The following CEP131 variants were observed in gnomAD, a reference collection of about 807,000 sequenced individuals.
CEP131 encodes centrosomal protein 131.
A neutral mutation model predicts 136.8 loss-of-function variants in CEP131; 99 were observed. The ratio of observed to expected loss-of-function variants is 0.72; its 90% CI spans 0.62 to 0.86. The LOEUF (loss-of-function observed/expected upper bound fraction) is 0.86. Among genes scored for constraint, CEP131 ranks in the 40% least tolerant of loss-of-function variants. The probability of loss-of-function intolerance (pLI) is 0.00; values close to 1 mark genes in which losing one functional copy is unlikely to be tolerated. For synonymous variants in CEP131, 646 were observed against 612.7 expected, an observed-to-expected ratio of 1.05 and a Z score of -0.80; for missense variants, 1,459 against 1,463.0, an observed-to-expected ratio of 1.00 and a Z score of 0.04.
chr17:81,199,411 C>T lies in CEP131; in HGVS notation c.1162G>A (p.Ala388Thr). Reference protein sequence around the residue: ...QELSPTPGGTAHQALKANNTG... With the variant: ...QELSPTPGGTTHQALKANNTG... ...TTGTTGGCCTTGAGGGCCTGGTGGGCAGTGCCGCCTGGTGTGGGGGACAGC... is the reference window on the plus strand; with the variant it reads ...TTGTTGGCCTTGAGGGCCTGGTGGGTAGTGCCGCCTGGTGTGGGGGACAGC... Residue 388 changes from alanine (A) to threonine (T), a missense_variant, in exon 10 of 26, where the codon GCC (alanine) becomes ACC (threonine). Physicochemically the swap from Ala to Thr is moderately conservative, Grantham distance 58 (BLOSUM62 0). Around this residue, in one of 3 missense-constraint regions of CEP131, gnomAD observed 1,026 missense variants for 964.2 expected, o/e 1.06. Transcript: ENST00000450824. The T allele has an allele frequency of 6.2e-7, 1 of 1,605,732 alleles. No individual in the cohort carries two copies. Among genetic ancestry groups the T allele is most frequent in the Non-Finnish European group, 8.5e-7 (1 of 1,177,404 alleles).
Position 81,208,589 on chromosome 17 carries a change from G to A in CEP131, c.272+339C>T, listed in dbSNP as rs2062065814. ...GGGGGTTCAGAAGGGTCACAGTGCT[G>A]CCCCTCTCGCAAATGACAGCTTTTG... On this transcript the variant is annotated intron_variant, in intron 3 of 25. Coordinates refer to ENST00000450824, the MANE Select transcript of CEP131 (RefSeq NM_014984.4). This position sits in a 1 kb window ranked among gnomAD's most constrained non-coding sequence, Gnocchi z 5.6. Among the ~76,000 whole-genome samples the A allele has an allele frequency of 6.6e-6, 1 of 152,226 alleles. No individual in the cohort carries two copies. Among genetic ancestry groups the A allele is most frequent in the Non-Finnish European group, 1.5e-5 (1 of 68,044 alleles).
rs544816653 is a variant in CEP131, at chr17:81,205,078, G to A, written c.516-1471C>T. On this transcript the variant is annotated intron_variant, in intron 5 of 25. Transcript: ENST00000450824. The stretch of plus-strand genomic sequence containing the variant: ...GTTCGAGACCAGTCTGGCCAACATA[G>A]CGAAACCCCGTCTCTACTAAAAATA... Among the ~76,000 whole-genome samples, 4 of 152,054 alleles carry A rather than the reference G, an allele frequency of 2.6e-5. No individual in the cohort carries two copies. The South Asian group carries it at 8.3e-4, about 32-fold the overall frequency.
In CEP131 at chr17:81,197,069, C is replaced by A; in HGVS notation, c.1648-14G>T. Reference sequence around the variant, plus strand: ...CGGCACCCACCCCTGCAGACACAGCCGAGCGTCAGGCGGAAGCGGCAGAGG... The same window carrying A: ...CGGCACCCACCCCTGCAGACACAGCAGAGCGTCAGGCGGAAGCGGCAGAGG... On this transcript the variant is annotated splice_polypyrimidine_tract_variant and intron_variant, in intron 13 of 25. Coordinates refer to ENST00000450824, the MANE Select transcript of CEP131 (RefSeq NM_014984.4). The A allele has an allele frequency of 6.3e-7, 1 of 1,579,886 alleles. No individual in the cohort carries two copies.
At chr17:81,207,324 G>C (rs189419280) in intron 3 of CEP131, 85 bp from the exon 4 acceptor site, 66 of 1,180,744 alleles carry the variant, frequency 5.6e-5, no homozygotes, top group Non-Finnish European at 7.4e-5. Context: ...CAGGTCCCGC[G>C]AGGACAGAGG....
At chr17:81,198,343 G>C (rs2061814805) in intron 11 of CEP131, 46 bp from the exon 12 acceptor site, 1 of 1,522,140 alleles carries the variant, frequency 6.6e-7, no homozygotes, top group Admixed American at 2.0e-5. Context: ...GCTGGTAGCT[G>C]AGAGCAGCCC....
intron 16 of CEP131, 105 bp downstream of exon 16, chr17:81,195,730 C>A: frequency 1.0e-6 from 1 of 1,000,440 alleles, no homozygotes; most frequent in Non-Finnish European, 1.5e-6. Flanking sequence ...CACACCGAGA[C>A]AGGAATGAGG....
At chr17:81,206,919 C>T (rs775230012) in intron 4 of CEP131, 48 bp from the exon 5 acceptor site, 11 of 1,583,274 alleles carry the variant, frequency 6.9e-6, no homozygotes, top group Non-Finnish European at 9.4e-6. Context: ...ACCCAGACAC[C>T]CCATCCCTTC....
rs772624069 is a variant in CEP131, at chr17:81,196,664, G to A, written c.1899+37C>T. 10 of 1,584,608 alleles carry A rather than the reference G, an allele frequency of 6.3e-6. No individual in the cohort carries two copies. In the Admixed American group the frequency reaches 7.0e-5, roughly 11 times the overall value. On this transcript the variant is annotated intron_variant, in intron 15 of 25. Transcript: ENST00000450824. ...CTCTGGAAGTCTCCATGAGCCACGC[G>A]CTGGGTCCGGGCCTCTGCGCTCCCC...
intron 8 of CEP131, 33 bp downstream of exon 8, chr17:81,200,296 G>T: frequency 6.5e-7 from 1 of 1,540,362 alleles, no homozygotes; most frequent in East Asian, 2.3e-5. Flanking sequence ...ACCCCCCGGG[G>T]GAGCATGGAG....
intron 18 of CEP131, among the ~76,000 whole-genome samples, chr17:81,193,693 T>C (rs1025560543): frequency 6.6e-6 from 1 of 152,114 alleles, no homozygotes; most frequent in African/African-American, 2.4e-5. Context: ...CGTGCACCCA[T>C]GCAGAACCTG....
chr17:81,193,949 C>T lies in CEP131; in HGVS notation c.2298G>A (p.Gln766=), dbSNP rs1052809187. ...LEREKEALGQ[Q]ERERARQRFQ... is the part of the protein sequence containing the mutation. ...ACCGCTGCCGAGCACGTTCGCGCTC[C>T]TGCTGGCCCAGCGCCTCCTTCTCCC... is the stretch of plus-strand genomic sequence containing the variant. Residue 766 remains glutamine, a synonymous_variant, in exon 18 of 26, where the codon CAG becomes CAA. Coordinates refer to ENST00000450824, the MANE Select transcript of CEP131 (RefSeq NM_014984.4). The T allele has an allele frequency of 6.5e-7, 1 of 1,541,778 alleles. No homozygotes were observed. Among genetic ancestry groups the T allele is most frequent in the Admixed American group, 2.0e-5 (1 of 50,160 alleles).
At chr17:81,190,524 T>C (rs1015737373) in intron 24 of CEP131, 115 bp downstream of exon 24, 3 of 1,313,630 alleles carry the variant, frequency 2.3e-6, no homozygotes, top group East Asian at 5.2e-5. Context: ...CAGGGCCCTG[T>C]CTCTGCATCT....
rs1235209404 is a variant in CEP131 at position 81,219,286 on chromosome 17, C to T, written c.177+594G>A. Among the ~76,000 whole-genome samples the T allele has an allele frequency of 7.4e-6, 1 of 135,234 alleles. No homozygotes were observed. The highest frequency in any genetic ancestry group is 2.7e-5 in the African/African-American group (1 of 36,728). 88.7% of individuals were successfully genotyped at this position (135,234 alleles called of 152,430 possible). On this transcript the variant is annotated intron_variant, in intron 2 of 25. Coordinates refer to ENST00000450824, the MANE Select transcript of CEP131 (RefSeq NM_014984.4). The surrounding 1 kb of genome is among the most constrained non-coding windows in gnomAD (Gnocchi z 4.0). ...CATCACCCCTCCCCACAGGTCAACC[C>T]CATTTCTTTCTTTTTTTTTTTTTTT... is the stretch of plus-strand genomic sequence containing the variant.
Position 81,206,816 on chromosome 17 carries a change from AG to A in CEP131, c.442del (p.Asp149ThrfsTer108). On this transcript the variant is annotated frameshift_variant, in exon 5 of 26. Transcript: ENST00000450824. LOFTEE classifies it high-confidence loss of function. ...CCTCCGCGGGCCCGCTGGTGAGTCA[AG>A]GGCACTGGAACTCCGGGCATTGGAT... ...LPSNARSSSA[L>X]DSPAGPRRKE... 1 of 1,614,118 alleles carries A rather than the reference AG, an allele frequency of 6.2e-7. No individual in the cohort carries two copies. The highest frequency in any genetic ancestry group is 8.5e-7 in the Non-Finnish European group (1 of 1,180,028).
intron 1 of CEP131, among the ~76,000 whole-genome samples, chr17:81,220,861 T>G (rs2062371755): frequency 6.6e-6 from 1 of 151,156 alleles, no homozygotes; most frequent in Non-Finnish European, 1.5e-5. Flanking sequence ...AGTGGCTCAC[T>G]CCTGTAATCC....
rs753913383 is a variant in CEP131, at chr17:81,197,831, C to T, written c.1528G>A (p.Ala510Thr). Residue 510 changes from alanine to threonine, a missense_variant, in exon 13 of 26, where the codon GCG becomes ACG. Around this residue, in one of 3 missense-constraint regions of CEP131, gnomAD observed 1,026 missense variants for 964.2 expected, o/e 1.06. Transcript: ENST00000450824. ...CCATCCTCAGGAGGTTCGGGGAACGCACTGAGTTTTCCAAATTTCTCCAAG... is the reference window on the plus strand; with the variant it reads ...CCATCCTCAGGAGGTTCGGGGAACGTACTGAGTTTTCCAAATTTCTCCAAG... ...DNLEKFGKLS[A>T]FPEPPEDGTL... 9.9e-6 allele frequency: 16 copies of T among 1,613,136 alleles called. No individual in the cohort carries two copies. Among genetic ancestry groups the T allele is most frequent in the African/African-American group, 1.3e-5 (1 of 74,938 alleles).
intron 5 of CEP131, among the ~76,000 whole-genome samples, chr17:81,205,587 A>G (rs1044971236): frequency 2.0e-5 from 3 of 151,974 alleles, no homozygotes; most frequent in Admixed American, 1.3e-4. Flanking sequence ...ATGAACATAT[A>G]ACTGATAAAT....
At chr17:81,211,946 A>AG (rs937680595) in intron 2 of CEP131, among the ~76,000 whole-genome samples, 1 of 151,586 alleles carries the variant, frequency 6.6e-6, no homozygotes, top group African/African-American at 2.4e-5. Context: ...AAAAAAAAAA[A>AG]AAAGAAAAAA....
chr17:81,199,670 G>A (rs750380843), intron 9 of CEP131, 49 bp downstream of exon 9: 1 of 1,601,572 alleles, frequency 6.2e-7, no homozygotes. Flanking sequence ...GCCCCGCACG[G>A]TCAGGCCTGG....
Sources: allele counts gnomAD v4.1 joint callset (sites outside exome capture counted in the v4.1 genomes callset), GRCh38; gene constraint gnomAD v4.1.1; regional missense constraint gnomAD v4.1.1; non-coding constraint Gnocchi (gnomAD v3.1); transcripts MANE v1.5; gene names NCBI Gene and HGNC (gene_info 2026-07-23, HGNC 2026-07-21).